The following ALPK1 variants were observed in gnomAD, a reference collection of about 807,000 sequenced individuals.
ALPK1 encodes the protein alpha-protein kinase 1.
A neutral mutation model predicts 120.6 loss-of-function variants in ALPK1; 110 were observed. That is an observed-to-expected ratio of 0.91 (90% confidence interval 0.78 to 1.07). ALPK1 has a LOEUF of 1.07. Ranked by LOEUF, ALPK1 falls within the 50% of genes least tolerant of loss-of-function variation. The pLI is 0.00. For missense variants in ALPK1, 1,498 were observed against 1,483.9 expected, an observed-to-expected ratio of 1.01 and a Z score of -0.16; for synonymous variants, 582 against 560.3, an observed-to-expected ratio of 1.04 and a Z score of -0.55.
rs375461394 is a variant in ALPK1 at position 112,340,128 on chromosome 4, T to C, written c.-101+24276T>C. Among the ~76,000 whole-genome samples the C allele has an allele frequency of 5.3e-5, 8 of 152,326 alleles. No homozygotes were observed. The East Asian group carries it at 1.5e-3, about 29-fold the overall frequency. ...ACACACAAGAGAACTCTGTTCATCG[T>C]CTTCAAAGTGATGCAGCGATGGCAA... On this transcript the variant is annotated intron_variant, in intron 2 of 15. Transcript: ENST00000650871.
rs1437060020 is a variant in ALPK1 at position 112,405,795 on chromosome 4, T to C, written c.277-6032T>C. On this transcript the variant is annotated intron_variant, in intron 4 of 15. Transcript: ENST00000650871. ...TTTCACTACGTTGGCCAGGCTGGTC[T>C]TGAACTCCTGGCCTCATGATTCACC... 2.6e-5 allele frequency among the ~76,000 whole-genome samples: 4 copies of C among 152,276 alleles called. No homozygotes were observed. The East Asian group carries it at 7.7e-4, about 29-fold the overall frequency.
At chr4:112,370,144 T>G (rs977828672) in intron 2 of ALPK1, among the ~76,000 whole-genome samples, 4 of 152,220 alleles carry the variant, frequency 2.6e-5, no homozygotes, top group African/African-American at 9.7e-5. Flanking sequence ...AATAATCCAC[T>G]GGTTTGGTTA....
At chr4:112,407,470 C>A (rs189365144) in intron 4 of ALPK1, among the ~76,000 whole-genome samples, 1 of 151,986 alleles carries the variant, frequency 6.6e-6, no homozygotes, top group African/African-American at 2.4e-5. Flanking sequence ...CAGAGTGAGA[C>A]CCTGTCTCTA....
intron 7 of ALPK1, chr4:112,426,139 A>G (rs1734223159): frequency 4.7e-6 from 1 of 210,874 alleles, no homozygotes; most frequent in Non-Finnish European, 9.4e-6. Context: ...TAGAATGCTA[A>G]TATACTTTAG....
chr4:112,437,376 G>A (rs531602507), intron 12 of ALPK1, among the ~76,000 whole-genome samples: 1 of 152,180 alleles, frequency 6.6e-6, no homozygotes, highest in Admixed American at 6.5e-5. Context: ...GAAAAAAAAT[G>A]GTACAAGATG....
At chr4:112,420,887 C>T (rs754407025) in intron 5 of ALPK1, among the ~76,000 whole-genome samples, 6 of 152,100 alleles carry the variant, frequency 3.9e-5, no homozygotes, top group Non-Finnish European at 8.8e-5. Context: ...GGCTGGAGTG[C>T]AATGGTGTGA....
At chr4:112,321,186 C>T (rs1052726966) in intron 2 of ALPK1, among the ~76,000 whole-genome samples, 1 of 152,006 alleles carries the variant, frequency 6.6e-6, no homozygotes, top group Non-Finnish European at 1.5e-5. Context: ...CGTGAGCCAC[C>T]GAGCCCAGCC....
chr4:112,422,656 G>T (rs1401951739), intron 5 of ALPK1, among the ~76,000 whole-genome samples: 1 of 152,250 alleles, frequency 6.6e-6, no homozygotes, highest in African/African-American at 2.4e-5. Flanking sequence ...GCTTAAAACA[G>T]TAATAATTCA....
At chr4:112,382,285 T>C (rs2148729200) in intron 3 of ALPK1, 113 bp from the exon 4 acceptor site, 2 of 1,181,740 alleles carry the variant, frequency 1.7e-6, no homozygotes, top group Non-Finnish European at 2.3e-6. Context: ...GAAAAGGTTT[T>C]TCTCTTTTTT....
At chr4:112,395,112 A>G (rs533377894) in intron 4 of ALPK1, among the ~76,000 whole-genome samples, 1 of 152,324 alleles carries the variant, frequency 6.6e-6, no homozygotes, top group South Asian at 2.1e-4. Context: ...ATTCAATGTG[A>G]TATATTCTTC....
At chr4:112,405,186 G>A (rs141538355) in intron 4 of ALPK1, among the ~76,000 whole-genome samples, 91 of 152,124 alleles carry the variant, frequency 6.0e-4, no homozygotes, top group African/African-American at 2.0e-3. Context: ...GGGCCTCTCC[G>A]GACTCCAAGA....
intron 2 of ALPK1, among the ~76,000 whole-genome samples, chr4:112,371,477 T>A (rs997108269): frequency 6.6e-6 from 1 of 152,334 alleles, no homozygotes; most frequent in Middle Eastern, 3.4e-3. Flanking sequence ...CCCTCTCTAG[T>A]TCCTTCTACA....
chr4:112,341,407 T>C (rs538075971), intron 2 of ALPK1, among the ~76,000 whole-genome samples: 4 of 152,334 alleles, frequency 2.6e-5, no homozygotes, highest in Admixed American at 6.5e-5. Flanking sequence ...CTTTTGGCCA[T>C]TTTCAGATAA....
chr4:112,351,770 A>C (rs1287098246), intron 2 of ALPK1, among the ~76,000 whole-genome samples: 1 of 152,188 alleles, frequency 6.6e-6, no homozygotes, highest in Non-Finnish European at 1.5e-5. Flanking sequence ...CGCTGTGCCC[A>C]GTCTTTTATT....
intron 2 of ALPK1, chr4:112,356,708 A>G (rs1415835379): frequency 1.0e-6 from 1 of 971,034 alleles, no homozygotes; most frequent in East Asian, 2.8e-5. Context: ...CATCCTGGAC[A>G]TCGAGGACTT....
At chr4:112,340,776 G>A (rs764012753) in intron 2 of ALPK1, among the ~76,000 whole-genome samples, 1 of 152,170 alleles carries the variant, frequency 6.6e-6, no homozygotes, top group African/African-American at 2.4e-5. Flanking sequence ...ATAGGAAGTC[G>A]GTATGAGATT....
At chr4:112,425,506 T>C (rs1304123892) in intron 6 of ALPK1, 159 bp from the exon 7 acceptor site, 3 of 574,754 alleles carry the variant, frequency 5.2e-6, no homozygotes, top group Non-Finnish European at 9.6e-6. Flanking sequence ...TGCAGAGCCT[T>C]AGACTACAGC....
intron 3 of ALPK1, among the ~76,000 whole-genome samples, chr4:112,379,122 CT>C (rs1731791605): frequency 6.6e-6 from 1 of 152,232 alleles, no homozygotes; most frequent in African/African-American, 2.4e-5. Context: ...TTTTCTCTCC[CT>C]TTTACTACAC....
chr4:112,422,008 G>A (rs562040823), intron 5 of ALPK1, among the ~76,000 whole-genome samples: 5 of 152,114 alleles, frequency 3.3e-5, no homozygotes, highest in South Asian at 2.1e-4. Flanking sequence ...AGTAAAATAC[G>A]GGTGACTTGA....
Sources: gnomAD v4.1 joint callset for allele counts (sites outside exome capture counted in the v4.1 genomes callset) on GRCh38, gnomAD v4.1.1 for gene constraint, MANE v1.5 for transcripts, NCBI Gene and HGNC (gene_info 2026-07-23, HGNC 2026-07-21) for gene names.